LARGE1: variants seen among roughly 807,000 people sequenced by gnomAD.
LARGE1 encodes xylosyl- and glucuronyltransferase LARGE1.
A neutral mutation model predicts 87.6 loss-of-function variants in LARGE1; 43 were observed. The ratio of observed to expected loss-of-function variants is 0.49; its 90% CI spans 0.38 to 0.63. The LOEUF (loss-of-function observed/expected upper bound fraction) is 0.63. LARGE1 is among the 30% of genes least tolerant of loss of function. The pLI, the probability that LARGE1 is intolerant of heterozygous loss-of-function variation, is 0.00. For missense variants in LARGE1, 802 were observed against 1,000.2 expected (o/e 0.80, Z 2.67); for synonymous variants, 434 against 394.6 (o/e 1.10, Z -1.18).
chr22:33,200,013 T>C (rs983282994), intron 11 of LARGE1, among the ~76,000 whole-genome samples: 1 of 151,982 alleles, frequency 6.6e-6, no homozygotes, highest in African/African-American at 2.4e-5. Context: ...CACACCTGGC[T>C]AATTTTTGTA....
At chr22:33,586,487 G>C (rs1440453682) in intron 5 of LARGE1, among the ~76,000 whole-genome samples, 2 of 142,634 alleles carry the variant, frequency 1.4e-5, no homozygotes, top group African/African-American at 5.3e-5. Flanking sequence ...ACGGAGTCTT[G>C]CTCTGTCGCC....
At chr22:33,780,128 G>C (rs543307507) in intron 1 of LARGE1, among the ~76,000 whole-genome samples, 110 of 152,282 alleles carry the variant, frequency 7.2e-4, no homozygotes, top group Non-Finnish European at 8.1e-4. Context: ...ACGCGACATT[G>C]TGCCTGTGTG....
intron 11 of LARGE1, among the ~76,000 whole-genome samples, chr22:33,257,183 C>A (rs543442709): frequency 7.8e-4 from 118 of 152,022 alleles, no homozygotes; most frequent in Middle Eastern, 3.4e-3. Context: ...CCAGCCTGGG[C>A]AACAAGAGCA....
chr22:33,442,266 C>G (rs2067506431), intron 6 of LARGE1, among the ~76,000 whole-genome samples: 1 of 152,186 alleles, frequency 6.6e-6, no homozygotes, highest in Non-Finnish European at 1.5e-5. Flanking sequence ...TATGGAGCCC[C>G]AACTCTGCAC....
In LARGE1 at chr22:33,650,561, C is replaced by T; in HGVS notation, c.214G>A (p.Val72Met). Reference protein sequence around the residue: ...RESLEVRMREVEEENRALRRQ... With the variant: ...RESLEVRMREMEEENRALRRQ... ...CGGAGGGCGCGGTTCTCCTCCTCCA[C>T]CTCGCGCATGCGCACCTCCAGGCTC... is the stretch of plus-strand genomic sequence containing the variant. Residue 72 changes from valine to methionine, a missense_variant, in exon 3 of 15, where the codon GTG (valine) becomes ATG (methionine). Physicochemically the swap from Val to Met is conservative, Grantham distance 21. This residue lies in a region of LARGE1 where 177 missense variants were observed against 158.3 expected (regional missense o/e 1.12). Coordinates refer to ENST00000397394, the MANE Select transcript of LARGE1 (RefSeq NM_133642.5). 1.2e-6 allele frequency: 2 copies of T among 1,608,382 alleles called. No individual in the cohort carries two copies. Among genetic ancestry groups the T allele is most frequent in the South Asian group, 1.1e-5 (1 of 91,064 alleles).
At chr22:33,527,004 C>T (rs146793845) in intron 6 of LARGE1, among the ~76,000 whole-genome samples, 2,051 of 152,314 alleles carry the variant, frequency 0.013, 51 homozygotes, top group African/African-American at 0.048. Context: ...CGCCTGTAAT[C>T]GCAGCACTTT....
chr22:33,612,354 G>A (rs2079459648), intron 4 of LARGE1, among the ~76,000 whole-genome samples: 2 of 152,136 alleles, frequency 1.3e-5, no homozygotes, highest in African/African-American at 4.8e-5. Context: ...TGCCTGCCTT[G>A]GCCTCCCAAA....
At chr22:33,611,435 C>A (rs1286119997) in intron 4 of LARGE1, among the ~76,000 whole-genome samples, 14 of 152,202 alleles carry the variant, frequency 9.2e-5, no homozygotes, top group Admixed American at 9.2e-4. Flanking sequence ...TAATGACTGC[C>A]CTGCTGGGTT....
chr22:33,813,611 G>A (rs5754689), intron 1 of LARGE1, among the ~76,000 whole-genome samples: 176 of 152,160 alleles, frequency 1.2e-3, no homozygotes, highest in African/African-American at 3.9e-3. Flanking sequence ...GCTTCTGTTC[G>A]GCCTCGGCTG....
In LARGE1 at chr22:33,920,456, G is replaced by A. The variant is rs2065913699; in HGVS notation, c.-544C>T. 6.8e-6 allele frequency: 1 copy of A among 147,732 alleles called. No individual in the cohort carries two copies. The highest frequency in any genetic ancestry group is 2.4e-5 in the African/African-American group (1 of 40,898). The allele number at this position is 147,732 out of a possible 1,614,324, so 9.2% of individuals were successfully genotyped here. ...CTTCGGGCGCCCGGGCTCCGGCGCGGCGGCGGGGCAGGAGCAGACTGGCCG... is the reference window on the plus strand; with the variant it reads ...CTTCGGGCGCCCGGGCTCCGGCGCGACGGCGGGGCAGGAGCAGACTGGCCG... On this transcript the variant is annotated 5_prime_UTR_variant, in exon 1 of 15. Coordinates refer to ENST00000397394, the MANE Select transcript of LARGE1 (RefSeq NM_133642.5).
intron 1 of LARGE1, among the ~76,000 whole-genome samples, chr22:33,765,985 C>G (rs1048709246): frequency 2.6e-5 from 4 of 152,066 alleles, no homozygotes; most frequent in Non-Finnish European, 4.4e-5. Flanking sequence ...AAAAAATATT[C>G]CTTCATGAAT....
At position 33,698,798 on chromosome 22, in the gene LARGE1, C is replaced by T. The variant is rs557203777; in HGVS notation, c.107-48130G>A. 1.5e-4 allele frequency among the ~76,000 whole-genome samples: 23 copies of T among 152,342 alleles called. 2 individuals carry two copies. Among genetic ancestry groups the T allele is most frequent in the African/African-American group, 3.1e-4 (13 of 41,584 alleles). On this transcript the variant is annotated intron_variant, in intron 2 of 14. Coordinates refer to ENST00000397394, the MANE Select transcript of LARGE1 (RefSeq NM_133642.5). ...CACTTGCAATGTCCACTGGATGGAA[C>T]GTGCATCCTCTCGATATTTGTGTGC...
At chr22:33,557,958 G>A (rs2077743435) in intron 6 of LARGE1, among the ~76,000 whole-genome samples, 1 of 152,224 alleles carries the variant, frequency 6.6e-6, no homozygotes, top group Non-Finnish European at 1.5e-5. Flanking sequence ...AACAGGCCAA[G>A]CCTCGCCCTT....
intron 2 of LARGE1, among the ~76,000 whole-genome samples, chr22:33,691,198 C>T (rs762480413): frequency 2.0e-5 from 3 of 152,036 alleles, no homozygotes; most frequent in Admixed American, 6.5e-5. Flanking sequence ...AGTCCAGCCA[C>T]GCTCTGTTAG....
intron 1 of LARGE1, among the ~76,000 whole-genome samples, chr22:33,886,557 A>G (rs1875718110): frequency 6.7e-6 from 1 of 149,520 alleles, no homozygotes; most frequent in South Asian, 2.1e-4. Context: ...CACACCTGTA[A>G]TCCCAGCTAT....
intron 1 of LARGE1, among the ~76,000 whole-genome samples, chr22:33,919,713 T>C (rs2065888797): frequency 1.3e-5 from 2 of 152,200 alleles, no homozygotes; most frequent in South Asian, 2.1e-4. Flanking sequence ...ATCGGTCACA[T>C]GCCCTCGTGG....
chr22:33,458,087 T>C (rs1476756066), intron 6 of LARGE1, among the ~76,000 whole-genome samples: 1 of 152,120 alleles, frequency 6.6e-6, no homozygotes, highest in Non-Finnish European at 1.5e-5. Flanking sequence ...GTTTAATAAA[T>C]TTTAAAAATG....
intron 11 of LARGE1, among the ~76,000 whole-genome samples, chr22:33,222,380 C>G (rs1379152921): frequency 6.6e-6 from 1 of 152,152 alleles, no homozygotes; most frequent in Non-Finnish European, 1.5e-5. Flanking sequence ...CATTTATCCT[C>G]CATTCTTCAT....
At chr22:33,682,061 G>C (rs1303955116) in intron 2 of LARGE1, among the ~76,000 whole-genome samples, 4 of 152,206 alleles carry the variant, frequency 2.6e-5, no homozygotes, top group African/African-American at 9.7e-5. Flanking sequence ...CCATGGTGTG[G>C]TGCGTGGACA....
Sources: gnomAD v4.1 joint callset for allele counts (sites outside exome capture counted in the v4.1 genomes callset) on GRCh38, gnomAD v4.1.1 for gene constraint, gnomAD v4.1.1 regional missense constraint, MANE v1.5 for transcripts, NCBI Gene and HGNC (gene_info 2026-07-23, HGNC 2026-07-21) for gene names.